Variants in SLC13A1 observed in about 807,000 individuals in gnomAD.
The protein encoded by SLC13A1 is Na(+)/sulfate cotransporter.
SLC13A1 carries 65 observed loss-of-function variants against 70.0 expected under a neutral mutation model. The ratio of observed to expected loss-of-function variants is 0.93; its 90% confidence interval spans 0.76 to 1.14. SLC13A1 has a LOEUF of 1.14. SLC13A1 is among the 50% of genes most tolerant of loss of function. SLC13A1 has a pLI of 0.00. For missense variants in SLC13A1, 726 were observed against 717.8 expected, an observed-to-expected ratio of 1.01 and a Z score of -0.13; for synonymous variants, 275 against 250.5, an observed-to-expected ratio of 1.10 and a Z score of -0.92.
At position 123,168,528 on chromosome 7, in the gene SLC13A1, TTCCTC is replaced by T. The variant is rs1467103334; in HGVS notation, c.582_586del (p.Lys196GlufsTer10). On this transcript the variant is annotated frameshift_variant, in exon 5 of 15. Coordinates refer to ENST00000194130, the MANE Select transcript of SLC13A1 (RefSeq NM_022444.4). LOFTEE classifies it high-confidence loss of function. ...CCCTGGAACTGGTTTTGTTTTCTCT[TTCCTC>T]TCATTTATTTCATGTCCATTAACAC... 6.2e-7 allele frequency: 1 copy of T among 1,610,742 alleles called. No individual in the cohort carries two copies. Among genetic ancestry groups the T allele is most frequent in the Non-Finnish European group, 8.5e-7 (1 of 1,177,852 alleles).
chr7:123,197,290 A>T (rs1037662935), intron 1 of SLC13A1, among the ~76,000 whole-genome samples: 4 of 152,158 alleles, frequency 2.6e-5, no homozygotes, highest in Admixed American at 2.6e-4. Context: ...CCTGTAGATT[A>T]TAGCCCCACA....
chr7:123,166,974 C>G (rs1186083981), intron 6 of SLC13A1, among the ~76,000 whole-genome samples: 1 of 152,128 alleles, frequency 6.6e-6, no homozygotes, highest in East Asian at 1.9e-4. Flanking sequence ...CAGAGAAATG[C>G]AAATCAAAAC....
chr7:123,147,690 C>A (rs922788201), intron 6 of SLC13A1, among the ~76,000 whole-genome samples: 5 of 152,128 alleles, frequency 3.3e-5, no homozygotes, highest in Non-Finnish European at 7.4e-5. Context: ...ATTGTTTAAG[C>A]CACTTAGTCT....
At chr7:123,137,276 G>A (rs1236337052) in intron 7 of SLC13A1, among the ~76,000 whole-genome samples, 4 of 152,220 alleles carry the variant, frequency 2.6e-5, no homozygotes, top group East Asian at 1.9e-4. Context: ...TGCCTTGTAC[G>A]ATCTCCTCTT....
At position 123,114,046 on chromosome 7, in the gene SLC13A1, T is replaced by TGCA. The variant is rs1554541230; in HGVS notation, c.*1469_*1471dup. The stretch of plus-strand genomic sequence containing the variant: ...TTGCAGTGAGCCGAGATCCCGCCAC[T>TGCA]GCACTCCAGCCTGGGCGACAGAGCG... On this transcript the variant is annotated 3_prime_UTR_variant, in exon 15 of 15. Coordinates refer to ENST00000194130, the MANE Select transcript of SLC13A1 (RefSeq NM_022444.4). 7.9e-6 allele frequency: 1 copy of TGCA among 126,396 alleles called. No individual in the cohort carries two copies. 7.8% of individuals were successfully genotyped at this position (126,396 alleles called of 1,614,324 possible).
intron 1 of SLC13A1, among the ~76,000 whole-genome samples, chr7:123,189,425 T>C (rs2116658642): frequency 6.6e-6 from 1 of 152,246 alleles, no homozygotes; most frequent in East Asian, 1.9e-4. Context: ...TCTTACAGAA[T>C]TATGCTCTTT....
chr7:123,185,486 A>G (rs907585781), intron 1 of SLC13A1, among the ~76,000 whole-genome samples: 1 of 152,084 alleles, frequency 6.6e-6, no homozygotes, highest in Non-Finnish European at 1.5e-5. Context: ...GTCTGATTTC[A>G]TTCTTCTGCA....
intron 7 of SLC13A1, among the ~76,000 whole-genome samples, chr7:123,136,942 G>T (rs942825896): frequency 6.6e-6 from 1 of 152,294 alleles, no homozygotes; most frequent in East Asian, 1.9e-4. Flanking sequence ...TGTCACATTT[G>T]TGGAGAGATA....
At chr7:123,196,008 G>GC (rs1796164773) in intron 1 of SLC13A1, among the ~76,000 whole-genome samples, 1 of 151,766 alleles carries the variant, frequency 6.6e-6, no homozygotes, top group African/African-American at 2.4e-5. Flanking sequence ...TCCAATAACT[G>GC]GAAAAATAAG....
At chr7:123,182,609 T>C (rs899663740) in intron 1 of SLC13A1, among the ~76,000 whole-genome samples, 1 of 152,094 alleles carries the variant, frequency 6.6e-6, no homozygotes, top group African/African-American at 2.4e-5. Context: ...CACCAATCTA[T>C]GAGGGTCTGC....
chr7:123,144,275 G>A (rs1269704591), intron 7 of SLC13A1, among the ~76,000 whole-genome samples: 1 of 152,132 alleles, frequency 6.6e-6, no homozygotes, highest in African/African-American at 2.4e-5. Flanking sequence ...CAGCACATAG[G>A]TGGTATTACA....
intron 1 of SLC13A1, among the ~76,000 whole-genome samples, chr7:123,195,283 A>G (rs1796142975): frequency 1.3e-5 from 2 of 152,022 alleles, no homozygotes; most frequent in Non-Finnish European, 2.9e-5. Flanking sequence ...ATATTCACTT[A>G]CTTGGACTTT....
chr7:123,137,134 T>C (rs1310808403), intron 7 of SLC13A1, among the ~76,000 whole-genome samples: 3 of 152,148 alleles, frequency 2.0e-5, no homozygotes, highest in Non-Finnish European at 4.4e-5. Flanking sequence ...TAATTAGTAA[T>C]TGACATAAAA....
At chr7:123,180,906 A>G (rs1795615537) in intron 2 of SLC13A1, 67 bp downstream of exon 2, 5 of 1,520,740 alleles carry the variant, frequency 3.3e-6, no homozygotes, top group Non-Finnish European at 4.5e-6. Flanking sequence ...TTTAAAAATA[A>G]CTTTTCTCAA....
Position 123,134,872 on chromosome 7 carries a change from C to T in SLC13A1, c.813-343G>A, listed in dbSNP as rs145138508. On this transcript the variant is annotated intron_variant, in intron 7 of 14. Transcript: ENST00000194130. ...GAAATGGGTGTTCATGAGGTATTTG[C>T]GTTTTGTTGTCAATACTCCATCAGT... is the stretch of plus-strand genomic sequence containing the variant. 1.7e-3 allele frequency among the ~76,000 whole-genome samples: 254 copies of T among 152,122 alleles called. 1 individual carries two copies. The highest frequency in any genetic ancestry group is 2.7e-3 in the Non-Finnish European group (184 of 68,014).
intron 3 of SLC13A1, among the ~76,000 whole-genome samples, chr7:123,169,836 C>T (rs1049358072): frequency 2.6e-5 from 4 of 152,092 alleles, no homozygotes; most frequent in African/African-American, 7.2e-5. Flanking sequence ...TTTATAAAGC[C>T]TCTTTTTACT....
chr7:123,115,722 T>C, intron 14 of SLC13A1, 67 bp from the exon 15 acceptor site: 2 of 1,542,176 alleles, frequency 1.3e-6, no homozygotes, highest in South Asian at 2.3e-5. Flanking sequence ...AGAATCCTAT[T>C]GTAGGATGTA....
chr7:123,186,734 G>C (rs556039811), intron 1 of SLC13A1: 3 of 454,302 alleles, frequency 6.6e-6, no homozygotes, highest in South Asian at 3.1e-5. Flanking sequence ...ATCCGATATC[G>C]TTATTACAAC....
intron 1 of SLC13A1, among the ~76,000 whole-genome samples, chr7:123,197,340 T>C (rs1796219271): frequency 6.6e-6 from 1 of 152,124 alleles, no homozygotes; most frequent in African/African-American, 2.4e-5. Context: ...AAAGAGAAAC[T>C]TGGATTTTTG....
Sources: gnomAD v4.1 joint callset for allele counts (sites outside exome capture counted in the v4.1 genomes callset) on GRCh38, gnomAD v4.1.1 for gene constraint, MANE v1.5 for transcripts, NCBI Gene and HGNC (gene_info 2026-07-23, HGNC 2026-07-21) for gene names.